The following DIAPH2 variants were observed in gnomAD, a reference collection of about 807,000 sequenced individuals.
DIAPH2 encodes the protein protein diaphanous homolog 2.
DIAPH2 carries 35 observed loss-of-function variants against 92.7 expected under a neutral mutation model. The observed-to-expected ratio is 0.38, with a 90% confidence interval of 0.29 to 0.50. The LOEUF (loss-of-function observed/expected upper bound fraction) is 0.50, where lower values mean the gene tolerates loss of function less well. Among genes scored for constraint, DIAPH2 ranks in the 20% least tolerant of loss-of-function variants. The pLI, the probability that DIAPH2 is intolerant of heterozygous loss-of-function variation, is 0.94. For missense variants in DIAPH2, 701 were observed against 819.5 expected (o/e 0.86, Z 1.77); for synonymous variants, 301 against 280.4 (o/e 1.07, Z -0.73).
intron 14 of DIAPH2, among the ~76,000 whole-genome samples, chrX:96,947,596 G>A (rs190197180): frequency 8.1e-4 from 90 of 111,241 alleles, no homozygotes; most frequent in Admixed American, 1.3e-3. Context: ...GACCCAAACA[G>A]TATTATTATC....
chrX:96,899,282 A>C (rs1350540045), intron 5 of DIAPH2, among the ~76,000 whole-genome samples: 13 of 109,487 alleles, frequency 1.2e-4, no homozygotes, highest in Non-Finnish European at 2.5e-4. Flanking sequence ...TGGTAGCTTG[A>C]TGGGGATGGC....
intron 17 of DIAPH2, among the ~76,000 whole-genome samples, chrX:97,009,422 G>C: frequency 8.9e-6 from 1 of 111,892 alleles, no homozygotes; most frequent in Non-Finnish European, 1.9e-5. Flanking sequence ...CTACCCTGCT[G>C]TAGCAGAGCT....
At chrX:97,236,772 C>T (rs2068051769) in intron 22 of DIAPH2, among the ~76,000 whole-genome samples, 2 of 110,494 alleles carry the variant, frequency 1.8e-5, no homozygotes, top group South Asian at 3.8e-4. Context: ...TCTCGATCTC[C>T]TGACCTCGTG....
intron 22 of DIAPH2, among the ~76,000 whole-genome samples, chrX:97,176,525 T>C (rs1003349960): frequency 7.3e-5 from 8 of 110,171 alleles, no homozygotes; most frequent in African/African-American, 2.6e-4. Flanking sequence ...TTTTGTTTTG[T>C]TTTGTTTTGT....
At chrX:96,886,576 A>C (rs955594021) in intron 5 of DIAPH2, among the ~76,000 whole-genome samples, 3 of 111,462 alleles carry the variant, frequency 2.7e-5, no homozygotes, top group Non-Finnish European at 5.6e-5. Context: ...GCACAGATGA[A>C]TAACATACTA....
At position 97,260,027 on chromosome X, in the gene DIAPH2, A is replaced by G. The variant is rs193013615; in HGVS notation, c.2844+12188A>G. Among the ~76,000 whole-genome samples, 590 of 111,783 alleles carry G rather than the reference A, an allele frequency of 5.3e-3. 2 individuals carry two copies. Among genetic ancestry groups the G allele is most frequent in the South Asian group, 0.012 (33 of 2,669 alleles). On this transcript the variant is annotated intron_variant, in intron 23 of 26. Coordinates refer to ENST00000324765, the MANE Select transcript of DIAPH2 (RefSeq NM_006729.5). Reference sequence around the variant, plus strand: ...GTATTTTTAGTAGAGATGGGCTTTCACCATGTAGGCCAGGCTGGTCTGGAA... The same window carrying G: ...GTATTTTTAGTAGAGATGGGCTTTCGCCATGTAGGCCAGGCTGGTCTGGAA...
chrX:97,116,569 G>C (rs190376414), intron 21 of DIAPH2, among the ~76,000 whole-genome samples: 13 of 111,642 alleles, frequency 1.2e-4, no homozygotes, highest in Non-Finnish European at 2.1e-4. Flanking sequence ...CTCTACCATG[G>C]TGCTACTTGC....
intron 24 of DIAPH2, among the ~76,000 whole-genome samples, chrX:97,358,575 ATAT>A (rs1174411929): frequency 2.7e-5 from 3 of 111,974 alleles, no homozygotes; most frequent in African/African-American, 9.7e-5. Flanking sequence ...AGATAAGTTA[ATAT>A]TATATCTATC....
At chrX:97,471,088 G>A (rs1226444694) in intron 26 of DIAPH2, among the ~76,000 whole-genome samples, 3 of 111,560 alleles carry the variant, frequency 2.7e-5, no homozygotes, top group African/African-American at 6.5e-5. Context: ...TATTTATTCC[G>A]CTCACCAAGG....
chrX:97,372,838 G>A (rs575066932), intron 24 of DIAPH2, among the ~76,000 whole-genome samples: 4 of 110,763 alleles, frequency 3.6e-5, no homozygotes, highest in Middle Eastern at 4.6e-3. Context: ...TTAGCTGGGC[G>A]TGGTGTCGCA....
intron 14 of DIAPH2, among the ~76,000 whole-genome samples, chrX:96,946,337 C>T (rs764211038): frequency 9.0e-6 from 1 of 111,205 alleles, no homozygotes; most frequent in South Asian, 3.8e-4. Flanking sequence ...TATTTCTGTC[C>T]TGTTGTGTGC....
intron 17 of DIAPH2, among the ~76,000 whole-genome samples, chrX:96,977,074 A>G (rs2147836894): frequency 9.0e-6 from 1 of 111,417 alleles, no homozygotes; most frequent in South Asian, 3.8e-4. Flanking sequence ...ATGACTTTTA[A>G]TGGCTTCTAT....
intron 5 of DIAPH2, among the ~76,000 whole-genome samples, chrX:96,910,123 T>A (rs2065460430): frequency 9.0e-6 from 1 of 111,269 alleles, no homozygotes. Context: ...TGATATCTGC[T>A]GATTTTTCTC....
At chrX:97,194,407 G>A (rs1306137975) in intron 22 of DIAPH2, among the ~76,000 whole-genome samples, 7 of 107,967 alleles carry the variant, frequency 6.5e-5, no homozygotes, top group Admixed American at 6.0e-4. Flanking sequence ...TCAGCCTCCC[G>A]AGTAGCTGGG....
chrX:96,968,962 C>T (rs1010024648), intron 17 of DIAPH2, among the ~76,000 whole-genome samples: 2 of 112,415 alleles, frequency 1.8e-5, no homozygotes, highest in Admixed American at 9.4e-5. Flanking sequence ...TATCACAGTG[C>T]CATTTATTGA....
At chrX:96,713,225 G>A (rs766154579) in intron 1 of DIAPH2, among the ~76,000 whole-genome samples, 1 of 111,888 alleles carries the variant, frequency 8.9e-6, no homozygotes, top group East Asian at 2.8e-4. Flanking sequence ...CCTTTATCTT[G>A]AGAATGTCTT....
At chrX:97,080,769 AG>A (rs774941725) in intron 19 of DIAPH2, among the ~76,000 whole-genome samples, 1 of 111,594 alleles carries the variant, frequency 9.0e-6, no homozygotes, top group South Asian at 3.8e-4. Context: ...CAGGGAAAAA[AG>A]ATTCTTCAAC....
intron 23 of DIAPH2, among the ~76,000 whole-genome samples, chrX:97,336,936 T>TA (rs1248816825): frequency 4.5e-5 from 5 of 110,582 alleles, no homozygotes; most frequent in Non-Finnish European, 7.6e-5. Flanking sequence ...TTAAAAGCAT[T>TA]TTTTTTATCC....
intron 4 of DIAPH2, among the ~76,000 whole-genome samples, chrX:96,763,970 CT>C (rs201674981): frequency 2.9e-3 from 283 of 97,122 alleles, no homozygotes; most frequent in Admixed American, 4.8e-3. Flanking sequence ...TCTTACTCTT[CT>C]TTTTTTTTTT....
Sources: gnomAD v4.1 joint callset for allele counts (sites outside exome capture counted in the v4.1 genomes callset) on GRCh38, gnomAD v4.1.1 for gene constraint, MANE v1.5 for transcripts, NCBI Gene and HGNC (gene_info 2026-07-23, HGNC 2026-07-21) for gene names.